Variants in DLGAP1 observed in about 807,000 individuals in gnomAD.
The protein encoded by DLGAP1 is DLG associated protein 1.
In DLGAP1, 11 loss-of-function variants were observed where a neutral mutation model predicts 90.8. The observed-to-expected ratio is 0.12, with a 90% CI of 0.08 to 0.20. The LOEUF (loss-of-function observed/expected upper bound fraction) is 0.20, where lower values mean the gene tolerates loss of function less well. Ranked by LOEUF, DLGAP1 falls within the 10% of genes least tolerant of loss-of-function variation. The probability of loss-of-function intolerance (pLI) is 1.00; values close to 1 mark genes in which losing one functional copy is unlikely to be tolerated. For missense variants in DLGAP1, 1,050 were observed against 1,333.8 expected, an observed-to-expected ratio of 0.79 and a Z score of 3.31; for synonymous variants, 558 against 540.7, an observed-to-expected ratio of 1.03 and a Z score of -0.44.
chr18:3,545,213 G>A lies in DLGAP1; in HGVS notation c.2058-10598C>T, dbSNP rs1479675912. 3.9e-5 allele frequency among the ~76,000 whole-genome samples: 6 copies of A among 152,100 alleles called. No individual in the cohort carries two copies. The South Asian group carries it at 1.2e-3, about 32-fold the overall frequency. On this transcript the variant is annotated intron_variant, in intron 9 of 12. Transcript: ENST00000315677. ...CAGTCAAACCCAGGAGGTGGAGGCT[G>A]CAGTGAGCCGAGATCACGCCACTGC...
At chr18:4,275,829 ATATT>A (rs2079399662) in intron 1 of DLGAP1, among the ~76,000 whole-genome samples, 1 of 152,192 alleles carries the variant, frequency 6.6e-6, no homozygotes, top group African/African-American at 2.4e-5. Context: ...GTTGAGATAC[ATATT>A]TATTCTGAAG....
chr18:4,344,978 C>G (rs539641930), intron 1 of DLGAP1, among the ~76,000 whole-genome samples: 1 of 152,290 alleles, frequency 6.6e-6, no homozygotes, highest in African/African-American at 2.4e-5. Flanking sequence ...TTCAATATCT[C>G]TCTGATTTAT....
chr18:3,932,933 CA>C lies in DLGAP1; in HGVS notation c.-72-52794del, dbSNP rs554367068. ...GCCTGATTCCTACTGAAGGACCACC[CA>C]AAGGATAGACTGGGGACTGGACTCG... On this transcript the variant is annotated intron_variant, in intron 3 of 12. Coordinates refer to ENST00000315677, the MANE Select transcript of DLGAP1 (RefSeq NM_004746.4). Among the ~76,000 whole-genome samples, 21 of 152,266 alleles carry C rather than the reference CA, an allele frequency of 1.4e-4. No homozygotes were observed. In the East Asian group the frequency reaches 4.1e-3, roughly 29 times the overall value.
intron 1 of DLGAP1, among the ~76,000 whole-genome samples, chr18:4,453,894 C>A (rs1188591286): frequency 6.6e-6 from 1 of 152,148 alleles, no homozygotes; most frequent in Non-Finnish European, 1.5e-5. Context: ...TCCCACCCAG[C>A]GTCCCACTGC....
chr18:3,671,358 A>C (rs1317297964), intron 7 of DLGAP1, among the ~76,000 whole-genome samples: 1 of 152,214 alleles, frequency 6.6e-6, no homozygotes, highest in Non-Finnish European at 1.5e-5. Context: ...ACTACAAGAA[A>C]AAAAGCTCTC....
chr18:3,567,952 G>A (rs1472673181), intron 8 of DLGAP1, among the ~76,000 whole-genome samples: 2 of 151,776 alleles, frequency 1.3e-5, no homozygotes, highest in Non-Finnish European at 2.9e-5. Flanking sequence ...GGGCTGGAGT[G>A]CTGTGGTGTG....
chr18:4,097,918 C>A lies in DLGAP1; in HGVS notation c.-159+53262G>T, dbSNP rs116667079. ...TAATTGATGGCTGCAGATTCTTTTC[C>A]TTTTTCTTTTTTTGAGACAGGATCT... On this transcript the variant is annotated intron_variant, in intron 2 of 12. Transcript: ENST00000315677. Among the ~76,000 whole-genome samples the A allele has an allele frequency of 7.4e-3, 1,119 of 152,174 alleles. 14 individuals are homozygous for A. Among genetic ancestry groups the A allele is most frequent in the African/African-American group, 0.026 (1,072 of 41,512 alleles).
intron 3 of DLGAP1, among the ~76,000 whole-genome samples, chr18:3,982,896 T>A (rs2073765377): frequency 6.6e-6 from 1 of 152,230 alleles, no homozygotes. Flanking sequence ...TGTTTTGAAT[T>A]TTTTTCTTAA....
intron 3 of DLGAP1, among the ~76,000 whole-genome samples, chr18:3,929,305 G>A (rs1251951314): frequency 3.3e-5 from 5 of 152,196 alleles, no homozygotes; most frequent in Non-Finnish European, 5.9e-5. Context: ...CTATCAAGGT[G>A]TAGCACATTA....
chr18:3,764,844 T>C (rs1473048564), intron 5 of DLGAP1, among the ~76,000 whole-genome samples: 5 of 152,134 alleles, frequency 3.3e-5, no homozygotes, highest in Non-Finnish European at 7.3e-5. Flanking sequence ...TTATTTGTGG[T>C]AGTTATCTGG....
At chr18:3,800,249 T>C (rs1358188619) in intron 5 of DLGAP1, among the ~76,000 whole-genome samples, 2 of 152,250 alleles carry the variant, frequency 1.3e-5, no homozygotes, top group Non-Finnish European at 2.9e-5. Context: ...TTATTGAAGT[T>C]ACTTTTACAC....
intron 2 of DLGAP1, among the ~76,000 whole-genome samples, chr18:4,114,056 C>CTTTTTTTTTTTT (rs58180172): frequency 9.4e-6 from 1 of 106,912 alleles, no homozygotes; most frequent in African/African-American, 3.4e-5. Context: ...ATGCCTCTGG[C>CTTTTTTTTTTTT]TTTTTTTTTT....
chr18:3,911,984 G>C (rs1303362182), intron 3 of DLGAP1, among the ~76,000 whole-genome samples: 1 of 152,238 alleles, frequency 6.6e-6, no homozygotes, highest in Non-Finnish European at 1.5e-5. Context: ...CAAATTCTCA[G>C]ATTCAAGTCC....
chr18:4,338,236 G>C (rs909565314), intron 1 of DLGAP1, among the ~76,000 whole-genome samples: 7 of 152,084 alleles, frequency 4.6e-5, no homozygotes, highest in African/African-American at 1.7e-4. Context: ...TACTGTTAAA[G>C]GATTTAAAAG....
chr18:3,874,208 A>G (rs763382908), intron 4 of DLGAP1: 23 of 1,550,008 alleles, frequency 1.5e-5, no homozygotes, highest in Non-Finnish European at 2.0e-5. Context: ...AAACCCACTC[A>G]GCCTTAAAAA....
At chr18:3,895,344 C>T (rs1223111516) in intron 3 of DLGAP1, among the ~76,000 whole-genome samples, 1 of 150,442 alleles carries the variant, frequency 6.6e-6, no homozygotes, top group East Asian at 2.0e-4. Flanking sequence ...TCATCATCAT[C>T]TCATAAACCA....
rs1186426563 is a variant in DLGAP1 at position 3,720,888 on chromosome 18, C to CAAAAAAAAAAAAAAAAAAAAAAAAA, written c.1591+8246_1591+8247insTTTTTTTTTTTTTTTTTTTTTTTTT. Among the ~76,000 whole-genome samples, 38 of 50,312 alleles carry CAAAAAAAAAAAAAAAAAAAAAAAAA rather than the reference C, an allele frequency of 7.6e-4. 2 individuals are homozygous for CAAAAAAAAAAAAAAAAAAAAAAAAA. Among genetic ancestry groups the CAAAAAAAAAAAAAAAAAAAAAAAAA allele is most frequent in the African/African-American group, 2.6e-3 (32 of 12,492 alleles). 33.0% of individuals were successfully genotyped at this position (50,312 alleles called of 152,430 possible). A position where few individuals can be genotyped will look rare whatever the true frequency, so the allele number is the denominator to read the frequency against. On this transcript the variant is annotated intron_variant, in intron 7 of 12. Coordinates refer to ENST00000315677, the MANE Select transcript of DLGAP1 (RefSeq NM_004746.4). Reference sequence around the variant, plus strand: ...GCAACATACTAAGACCTTGTCTCTACAAAAAAAAAAAAAAAAAAAAATTAG... The same window carrying CAAAAAAAAAAAAAAAAAAAAAAAAA: ...GCAACATACTAAGACCTTGTCTCTACAAAAAAAAAAAAAAAAAAAAAAAAAAAAAAAAAAAAAAAAAAAAAATTAG...
chr18:3,663,390 A>G (rs183393715), intron 7 of DLGAP1, among the ~76,000 whole-genome samples: 1 of 152,340 alleles, frequency 6.6e-6, no homozygotes, highest in African/African-American at 2.4e-5. Context: ...CAGAGGCTGA[A>G]GCATGGATGA....
intron 2 of DLGAP1, among the ~76,000 whole-genome samples, chr18:4,055,712 G>C: frequency 6.6e-6 from 1 of 152,100 alleles, no homozygotes; most frequent in Non-Finnish European, 1.5e-5. Context: ...GGAGCGACCT[G>C]GCACTGTTTG....
Sources: gnomAD v4.1 joint callset for allele counts (sites outside exome capture counted in the v4.1 genomes callset) on GRCh38, gnomAD v4.1.1 for gene constraint, MANE v1.5 for transcripts, NCBI Gene and HGNC (gene_info 2026-07-23, HGNC 2026-07-21) for gene names.